GLIS3: variants seen among roughly 807,000 people sequenced by gnomAD.
GLIS3 encodes GLIS family zinc finger 3.
A neutral mutation model predicts 78.6 loss-of-function variants in GLIS3; 53 were observed. The ratio of observed to expected loss-of-function variants is 0.67; its 90% confidence interval spans 0.54 to 0.85. The LOEUF is 0.85. GLIS3 is among the 40% of genes least tolerant of loss of function. GLIS3 has a pLI of 0.00. For missense variants in GLIS3, 1,703 were observed against 1,231.1 expected (o/e 1.38, Z -5.74); for synonymous variants, 684 against 509.9 (o/e 1.34, Z -4.60).
At chr9:4,064,877 G>C (rs535931133) in intron 4 of GLIS3, among the ~76,000 whole-genome samples, 1 of 152,288 alleles carries the variant, frequency 6.6e-6, no homozygotes, top group South Asian at 2.1e-4. Flanking sequence ...ATGTTAACTA[G>C]GTCCCAATGT....
chr9:4,449,218 T>C, the GLIS3 span, among the ~76,000 whole-genome samples: 107 of 152,268 alleles, frequency 7.0e-4, no homozygotes, highest in African/African-American at 2.4e-3. Flanking sequence ...TGCTTACTGC[T>C]AGTGCAGCAG....
chr9:4,228,498 A>G (rs1231235203), intron 2 of GLIS3, among the ~76,000 whole-genome samples: 1 of 152,190 alleles, frequency 6.6e-6, no homozygotes, highest in East Asian at 1.9e-4. Context: ...TTGTATATAA[A>G]ATCATATTCA....
At chr9:4,183,337 G>C (rs1037496912) in intron 2 of GLIS3, among the ~76,000 whole-genome samples, 5 of 152,272 alleles carry the variant, frequency 3.3e-5, no homozygotes, top group Non-Finnish European at 5.9e-5. Context: ...CAAAGGTTCT[G>C]AAAGGAACCC....
chr9:4,181,132 C>T (rs1040502748), intron 2 of GLIS3, among the ~76,000 whole-genome samples: 1 of 152,218 alleles, frequency 6.6e-6, no homozygotes, highest in African/African-American at 2.4e-5. Context: ...AATGCTTTTG[C>T]CTGATGGTAA....
At chr9:4,013,294 T>G (rs1408136198) in intron 4 of GLIS3, among the ~76,000 whole-genome samples, 1 of 152,192 alleles carries the variant, frequency 6.6e-6, no homozygotes, top group Non-Finnish European at 1.5e-5. Flanking sequence ...GCCTATGAGC[T>G]TAAATACTGC....
At chr9:4,249,864 C>G (rs183909568) in intron 2 of GLIS3, among the ~76,000 whole-genome samples, 2 of 152,292 alleles carry the variant, frequency 1.3e-5, no homozygotes, top group Admixed American at 6.5e-5. Flanking sequence ...TTTTGTGCAT[C>G]TATTGAGATA....
chr9:4,281,378 T>C (rs1827535251), intron 2 of GLIS3, among the ~76,000 whole-genome samples: 1 of 131,166 alleles, frequency 7.6e-6, no homozygotes, highest in African/African-American at 2.7e-5. Flanking sequence ...CCATTACCCA[T>C]CTCCAAAACT....
chr9:4,023,338 A>C (rs1823041519), intron 4 of GLIS3, among the ~76,000 whole-genome samples: 1 of 152,314 alleles, frequency 6.6e-6, no homozygotes, highest in East Asian at 1.9e-4. Flanking sequence ...CAGAAAATTT[A>C]AACAAAACCC....
chr9:3,961,613 C>A (rs1027883733), intron 4 of GLIS3, among the ~76,000 whole-genome samples: 2 of 152,148 alleles, frequency 1.3e-5, no homozygotes, highest in Middle Eastern at 3.2e-3. Context: ...AATAGCATCC[C>A]GTTTTGAAAC....
chr9:3,902,663 G>A (rs1443810872), intron 6 of GLIS3, among the ~76,000 whole-genome samples: 2 of 152,120 alleles, frequency 1.3e-5, no homozygotes, highest in African/African-American at 2.4e-5. Context: ...GTAGGTCTGC[G>A]ATGCGTTTCT....
chr9:4,109,505 T>C (rs1831038930), intron 4 of GLIS3, among the ~76,000 whole-genome samples: 1 of 152,206 alleles, frequency 6.6e-6, no homozygotes, highest in African/African-American at 2.4e-5. Context: ...TTTCATATGA[T>C]AGCTGCCAAG....
At chr9:4,016,516 G>A (rs1563951046) in intron 4 of GLIS3, among the ~76,000 whole-genome samples, 1 of 152,096 alleles carries the variant, frequency 6.6e-6, no homozygotes, top group Non-Finnish European at 1.5e-5. Flanking sequence ...ATGCCAATGG[G>A]GCATTTCAGA....
chr9:4,263,352 T>C (rs1825700918), intron 2 of GLIS3, among the ~76,000 whole-genome samples: 1 of 152,210 alleles, frequency 6.6e-6, no homozygotes, highest in African/African-American at 2.4e-5. Flanking sequence ...ATGGTTTAGA[T>C]GTTTTTCATT....
chr9:4,464,153 G>T, the GLIS3 span, among the ~76,000 whole-genome samples: 1 of 151,878 alleles, frequency 6.6e-6, no homozygotes, highest in African/African-American at 2.4e-5. Flanking sequence ...ATTATATTAA[G>T]GAGAACAGCT....
chr9:4,347,245 A>G (rs1347580237), intron 1 of GLIS3: 1 of 152,194 alleles, frequency 6.6e-6, no homozygotes, highest in Non-Finnish European at 1.5e-5. Context: ...CTTAACAACC[A>G]GCTCTCATGG....
At chr9:4,073,001 G>C (rs537287144) in intron 4 of GLIS3, among the ~76,000 whole-genome samples, 1 of 142,466 alleles carries the variant, frequency 7.0e-6, no homozygotes, top group South Asian at 2.2e-4. Context: ...TTTTTCACTT[G>C]GGTTTACTGC....
At chr9:4,257,676 C>A (rs1473931718) in intron 2 of GLIS3, among the ~76,000 whole-genome samples, 1 of 151,930 alleles carries the variant, frequency 6.6e-6, no homozygotes, top group African/African-American at 2.4e-5. Flanking sequence ...CGGGTTCAGG[C>A]CATTCCCCTG....
chr9:4,268,252 A>C (rs1463370382), intron 2 of GLIS3, among the ~76,000 whole-genome samples: 1 of 152,134 alleles, frequency 6.6e-6, no homozygotes, highest in Non-Finnish European at 1.5e-5. Context: ...AACTAACATA[A>C]TGGTACCCAC....
chr9:4,477,551 A>G, the GLIS3 span, among the ~76,000 whole-genome samples: 1 of 151,946 alleles, frequency 6.6e-6, no homozygotes, highest in African/African-American at 2.4e-5. Flanking sequence ...AGTAGCTGGG[A>G]CTGCAGATGT....
Sources: allele counts gnomAD v4.1 joint callset (sites outside exome capture counted in the v4.1 genomes callset), GRCh38; gene constraint gnomAD v4.1.1; transcripts MANE v1.5; gene names NCBI Gene and HGNC (gene_info 2026-07-23, HGNC 2026-07-21).